CCDC63: variants seen among roughly 807,000 people sequenced by gnomAD.
CCDC63 encodes the protein coiled-coil domain-containing protein 63.
In CCDC63, 54 loss-of-function variants were observed where a neutral mutation model predicts 63.6. The observed-to-expected ratio is 0.85, with a 90% CI of 0.68 to 1.07. The LOEUF is 1.07. CCDC63 is among the 50% of genes least tolerant of loss of function. CCDC63 has a pLI of 0.00. For synonymous variants in CCDC63, 253 were observed against 266.1 expected, an observed-to-expected ratio of 0.95 and a Z score of 0.48; for missense variants, 637 against 689.6, an observed-to-expected ratio of 0.92 and a Z score of 0.86.
At chr12:110,860,461 G>C (rs61940977) in intron 4 of CCDC63, among the ~76,000 whole-genome samples, 1 of 152,294 alleles carries the variant, frequency 6.6e-6, no homozygotes, top group Non-Finnish European at 1.5e-5. Flanking sequence ...ACCCCTGCCC[G>C]CAACCCCGTG....
intron 1 of CCDC63, among the ~76,000 whole-genome samples, chr12:110,849,922 T>C (rs2283348): frequency 0.57 from 86,039 of 151,994 alleles, 25,415 homozygotes; most frequent in South Asian, 0.66. Context: ...GTTACCATGA[T>C]TAGCAGGAAA....
At chr12:110,872,596 C>A (rs1469967004) in intron 4 of CCDC63, among the ~76,000 whole-genome samples, 1 of 152,078 alleles carries the variant, frequency 6.6e-6, no homozygotes, top group Non-Finnish European at 1.5e-5. Flanking sequence ...ATGGAAAATT[C>A]TGTGTGTGTA....
intron 5 of CCDC63, among the ~76,000 whole-genome samples, chr12:110,878,584 G>C (rs998307720): frequency 3.3e-5 from 5 of 152,164 alleles, no homozygotes; most frequent in Non-Finnish European, 1.5e-5. Flanking sequence ...CAAAGTGCTG[G>C]GATTACAGGT....
rs560513653 is a variant in CCDC63 at position 110,860,468 on chromosome 12, C to T, written c.369+1693C>T. Among the ~76,000 whole-genome samples, 5 of 152,326 alleles carry T rather than the reference C, an allele frequency of 3.3e-5. No homozygotes were observed. In the South Asian group the frequency reaches 1.0e-3, roughly 32 times the overall value. On this transcript the variant is annotated intron_variant, in intron 4 of 11. Transcript: ENST00000308208. Reference sequence around the variant, plus strand: ...ACAGTGCCACCCCTGCCCGCAACCCCGTGCCTGTCCCAGTGTCCCGCACAC... The same window carrying T: ...ACAGTGCCACCCCTGCCCGCAACCCTGTGCCTGTCCCAGTGTCCCGCACAC...
chr12:110,899,312 T>C (rs1263921186), intron 10 of CCDC63, among the ~76,000 whole-genome samples, 187 bp downstream of exon 10: 1 of 152,020 alleles, frequency 6.6e-6, no homozygotes, highest in Non-Finnish European at 1.5e-5. Context: ...GCAGGTTTGT[T>C]TTTTGGTTTT....
chr12:110,876,084 T>A (rs1314144955), intron 5 of CCDC63, among the ~76,000 whole-genome samples: 1 of 142,962 alleles, frequency 7.0e-6, no homozygotes, highest in African/African-American at 2.6e-5. Context: ...CCAGTCTGGA[T>A]GACAGAGTGA....
intron 4 of CCDC63, among the ~76,000 whole-genome samples, chr12:110,868,416 C>T (rs1275657865): frequency 8.0e-5 from 12 of 150,524 alleles, no homozygotes; most frequent in South Asian, 2.1e-4. Flanking sequence ...GCCGAGATCA[C>T]GCCACTGCAC....
intron 7 of CCDC63, among the ~76,000 whole-genome samples, chr12:110,881,953 T>A (rs935284128): frequency 2.0e-5 from 3 of 152,164 alleles, no homozygotes; most frequent in Non-Finnish European, 4.4e-5. Flanking sequence ...TGGGACTCTC[T>A]TTCTATTATT....
At chr12:110,859,187 C>T (rs1447223412) in intron 4 of CCDC63, among the ~76,000 whole-genome samples, 2 of 152,212 alleles carry the variant, frequency 1.3e-5, no homozygotes, top group East Asian at 1.9e-4. Context: ...TATCTTCTCA[C>T]ACTGGGACTA....
At position 110,904,634 on chromosome 12, in the gene CCDC63, C is replaced by T. The variant is rs769004212; in HGVS notation, c.1389C>T (p.Tyr463=). The change falls in exon 11 of 12, where the codon TAC becomes TAT. Residue 463 remains tyrosine (Y), a synonymous_variant. Transcript: ENST00000308208. Reference sequence around the variant, plus strand: ...ACGACCTGCTGCTGTTGGAGACCTACAGGCGCATCCTGGAAGTGGAAGGGG... The same window carrying T: ...ACGACCTGCTGCTGTTGGAGACCTATAGGCGCATCCTGGAAGTGGAAGGGG... The part of the protein sequence containing the change: ...KTNDLLLLET[Y]RRILEVEGAE... The T allele has an allele frequency of 5.9e-5, 96 of 1,614,020 alleles. No individual in the cohort carries two copies. The highest frequency in any genetic ancestry group is 7.3e-5 in the Non-Finnish European group (86 of 1,180,036).
chr12:110,879,880 G>C, intron 5 of CCDC63, 26 bp from the exon 6 acceptor site: 1 of 1,611,204 alleles, frequency 6.2e-7, no homozygotes, highest in Non-Finnish European at 8.5e-7. Context: ...AATGAGACCT[G>C]TTTTGAAGCA....
At position 110,881,091 on chromosome 12, in the gene CCDC63, AGGCTCTGTACTCCCTTTGCCCAG is replaced by A; in HGVS notation, c.672-21_673del. 1 of 1,572,668 alleles carries A rather than the reference AGGCTCTGTACTCCCTTTGCCCAG, an allele frequency of 6.4e-7. No individual in the cohort carries two copies. Among genetic ancestry groups the A allele is most frequent in the Non-Finnish European group, 8.6e-7 (1 of 1,160,578 alleles). On this transcript the variant is annotated splice_acceptor_variant and splice_polypyrimidine_tract_variant and intron_variant, in intron 6 of 11. Transcript: ENST00000308208. LOFTEE classifies it high-confidence loss of function. ...TAGAGAGGAGGAGCCTCAGATGCTCAGGCTCTGTACTCCCTTTGCCCAGGGTGGAGGCCATGGCTCGAATGGCT... is the reference window on the plus strand; with the variant it reads ...TAGAGAGGAGGAGCCTCAGATGCTCAGGTGGAGGCCATGGCTCGAATGGCT...
At chr12:110,896,475 C>T (rs535863094) in intron 9 of CCDC63, among the ~76,000 whole-genome samples, 1 of 152,278 alleles carries the variant, frequency 6.6e-6, no homozygotes, top group Non-Finnish European at 1.5e-5. Flanking sequence ...TCAGTTTTCT[C>T]ACCTGTAAAA....
chr12:110,873,156 A>C (rs1178051727), intron 4 of CCDC63, among the ~76,000 whole-genome samples: 1 of 152,194 alleles, frequency 6.6e-6, no homozygotes, highest in Non-Finnish European at 1.5e-5. Context: ...GAATCGCTTG[A>C]ACCTGGAAGG....
At chr12:110,905,880 GTA>G (rs540534438) in intron 11 of CCDC63, among the ~76,000 whole-genome samples, 3 of 19,120 alleles carry the variant, frequency 1.6e-4, no homozygotes, top group African/African-American at 3.2e-4. Flanking sequence ...ATGTGTGTGT[GTA>G]TATATATAAT....
intron 4 of CCDC63, among the ~76,000 whole-genome samples, chr12:110,873,140 G>A (rs1395882631): frequency 6.6e-6 from 1 of 152,176 alleles, no homozygotes; most frequent in Non-Finnish European, 1.5e-5. Context: ...AGACGCTAAG[G>A]TAGGAGAATC....
chr12:110,894,807 C>T (rs1014995762), intron 9 of CCDC63, among the ~76,000 whole-genome samples: 3 of 152,202 alleles, frequency 2.0e-5, no homozygotes, highest in Non-Finnish European at 4.4e-5. Context: ...ACATCTCCCT[C>T]GCCTCTGCCT....
At chr12:110,898,002 C>A (rs1444481100) in intron 9 of CCDC63, among the ~76,000 whole-genome samples, 1 of 152,102 alleles carries the variant, frequency 6.6e-6, no homozygotes, top group African/African-American at 2.4e-5. Context: ...AGTGAACTGG[C>A]TGAGCGAGGT....
Position 110,873,842 on chromosome 12 carries a change from A to T in CCDC63, c.370A>T (p.Ile124Phe). 1 of 1,611,964 alleles carries T rather than the reference A, an allele frequency of 6.2e-7. No individual in the cohort carries two copies. The highest frequency in any genetic ancestry group is 1.1e-5 in the South Asian group (1 of 90,766). ...KVLLAELDEK[I>F]LQMEKKIANQ... ...ATTTCTCTCTCTCTCTCTTTTTCAG[A>T]TTCTTCAGATGGAAAAAAAAATCGC... The change falls in exon 5 of 12, where the codon ATT (isoleucine) becomes TTT (phenylalanine). Residue 124 changes from isoleucine to phenylalanine, a missense_variant and splice_region_variant. Ile to Phe is a conservative substitution (Grantham distance 21). Coordinates refer to ENST00000308208, the MANE Select transcript of CCDC63 (RefSeq NM_152591.3).
Sources: allele counts gnomAD v4.1 joint callset (sites outside exome capture counted in the v4.1 genomes callset), GRCh38; gene constraint gnomAD v4.1.1; transcripts MANE v1.5; gene names NCBI Gene and HGNC (gene_info 2026-07-23, HGNC 2026-07-21).